Variants in MDGA2 observed in about 807,000 individuals in gnomAD.
MDGA2 encodes MAM domain-containing glycosylphosphatidylinositol anchor protein 2.
Under a neutral mutation model 117.8 loss-of-function variants are expected in MDGA2, and 40 were observed. The ratio of observed to expected loss-of-function variants is 0.34; its 90% CI spans 0.26 to 0.44. The LOEUF (loss-of-function observed/expected upper bound fraction) is 0.44. Ranked by LOEUF, MDGA2 falls within the 20% of genes least tolerant of loss-of-function variation. The pLI is 1.00. For missense variants in MDGA2, 1,123 were observed against 1,250.6 expected, an observed-to-expected ratio of 0.90 and a Z score of 1.54; for synonymous variants, 452 against 439.0, an observed-to-expected ratio of 1.03 and a Z score of -0.37.
chr14:47,572,565 T>C (rs17118942), intron 1 of MDGA2, among the ~76,000 whole-genome samples: 2,196 of 152,260 alleles, frequency 0.014, 48 homozygotes, highest in African/African-American at 0.049. Context: ...ACTCAGGTTT[T>C]TGCAGAGTTG....
intron 8 of MDGA2, among the ~76,000 whole-genome samples, chr14:47,033,207 G>A (rs747190982): frequency 1.3e-5 from 2 of 152,178 alleles, no homozygotes; most frequent in Non-Finnish European, 2.9e-5. Flanking sequence ...GGAAAAAATA[G>A]GAAATTTAGT....
In MDGA2 at chr14:46,981,173, G is replaced by GGT. The variant is rs879377392; in HGVS notation, c.1820-23531_1820-23530insAC. On this transcript the variant is annotated intron_variant, in intron 8 of 16. Coordinates refer to ENST00000399232, the MANE Select transcript of MDGA2 (RefSeq NM_001113498.3). ...AATCCCAGCACTTTGGGAGGCCAAG[G>GGT]GGGGGGCGGATCATGAGGTCAGGAG... is the stretch of plus-strand genomic sequence containing the variant. 6.6e-4 allele frequency among the ~76,000 whole-genome samples: 72 copies of GGT among 108,470 alleles called. 1 individual carries two copies. The highest frequency in any genetic ancestry group is 1.1e-3 in the Non-Finnish European group (53 of 47,800). 71.2% of individuals were successfully genotyped at this position (108,470 alleles called of 152,430 possible).
chr14:47,645,278 T>C (rs116572384), intron 1 of MDGA2, among the ~76,000 whole-genome samples: 6,332 of 152,098 alleles, frequency 0.042, 125 homozygotes, highest in Middle Eastern at 0.068. Context: ...GGAGTCCCGC[T>C]GTCTCCCAAG....
intron 6 of MDGA2, among the ~76,000 whole-genome samples, chr14:47,087,545 T>G: frequency 6.6e-6 from 1 of 151,822 alleles, no homozygotes; most frequent in African/African-American, 2.4e-5. Context: ...CTGCAGTTTC[T>G]TAGTATCACA....
At chr14:47,667,170 G>A (rs570661376) in intron 1 of MDGA2, among the ~76,000 whole-genome samples, 1 of 152,168 alleles carries the variant, frequency 6.6e-6, no homozygotes, top group Admixed American at 6.5e-5. Context: ...TTAGTTGACT[G>A]AATTTATGAG....
chr14:47,596,250 A>T (rs1254986573), intron 1 of MDGA2, among the ~76,000 whole-genome samples: 1 of 152,178 alleles, frequency 6.6e-6, no homozygotes, highest in East Asian at 1.9e-4. Context: ...CAAAACACAT[A>T]CAGTTTTGTT....
intron 1 of MDGA2, among the ~76,000 whole-genome samples, chr14:47,528,842 T>C (rs1474655429): frequency 6.6e-6 from 1 of 152,208 alleles, no homozygotes; most frequent in Non-Finnish European, 1.5e-5. Context: ...ATATATTTTA[T>C]CTTGTAAAAC....
chr14:47,250,242 C>T (rs543632266), intron 2 of MDGA2, among the ~76,000 whole-genome samples: 1 of 152,344 alleles, frequency 6.6e-6, no homozygotes, highest in Non-Finnish European at 1.5e-5. Context: ...CTGGAACTTT[C>T]AGGGAGCAGA....
intron 10 of MDGA2, among the ~76,000 whole-genome samples, chr14:46,893,537 A>G (rs1882962204): frequency 6.6e-6 from 1 of 151,082 alleles, no homozygotes; most frequent in Admixed American, 6.6e-5. Context: ...GACAAACATA[A>G]GAGAACTATA....
intron 3 of MDGA2, among the ~76,000 whole-genome samples, chr14:47,152,178 G>T (rs937755877): frequency 4.6e-5 from 7 of 152,058 alleles, no homozygotes; most frequent in African/African-American, 1.7e-4. Flanking sequence ...AGAATTTGTG[G>T]TATGAAAAAT....
intron 3 of MDGA2, among the ~76,000 whole-genome samples, chr14:47,207,545 G>C (rs1043393995): frequency 1.3e-5 from 2 of 151,862 alleles, no homozygotes; most frequent in Non-Finnish European, 2.9e-5. Context: ...AATGGAATTT[G>C]TTCCCCTTTC....
At chr14:47,044,483 C>T (rs1258906032) in intron 7 of MDGA2, among the ~76,000 whole-genome samples, 1 of 152,106 alleles carries the variant, frequency 6.6e-6, no homozygotes, top group African/African-American at 2.4e-5. Flanking sequence ...TATTCTAAGA[C>T]TTGTATTACT....
At chr14:46,963,066 T>C (rs1885873300) in intron 8 of MDGA2, among the ~76,000 whole-genome samples, 1 of 152,290 alleles carries the variant, frequency 6.6e-6, no homozygotes, top group African/African-American at 2.4e-5. Flanking sequence ...CATTAAGGAA[T>C]ATAGTGAAGC....
chr14:46,951,487 T>C (rs1885368926), intron 9 of MDGA2, among the ~76,000 whole-genome samples: 1 of 151,944 alleles, frequency 6.6e-6, no homozygotes, highest in African/African-American at 2.4e-5. Flanking sequence ...TACATAAGAT[T>C]CCATTTTAGC....
At chr14:46,978,975 T>C (rs1224883942) in intron 8 of MDGA2, among the ~76,000 whole-genome samples, 3 of 152,154 alleles carry the variant, frequency 2.0e-5, no homozygotes, top group Admixed American at 1.3e-4. Flanking sequence ...CTACACTTTA[T>C]TGTGTTTCAC....
chr14:46,974,522 A>T (rs1371720290), intron 8 of MDGA2, among the ~76,000 whole-genome samples: 6 of 152,156 alleles, frequency 3.9e-5, no homozygotes, highest in Non-Finnish European at 8.8e-5. Flanking sequence ...CTGGCATAAA[A>T]ATAGACATAT....
At chr14:47,270,873 C>T (rs1888121488) in intron 2 of MDGA2, among the ~76,000 whole-genome samples, 1 of 152,082 alleles carries the variant, frequency 6.6e-6, no homozygotes, top group Admixed American at 6.6e-5. Context: ...ACTTTCAAAA[C>T]AAAAGAGGCT....
chr14:47,020,468 T>G (rs1241845762), intron 8 of MDGA2, among the ~76,000 whole-genome samples: 3 of 152,190 alleles, frequency 2.0e-5, no homozygotes. Context: ...CCAATCTGAT[T>G]GTTTAAAACA....
chr14:47,081,438 T>C (rs887439849), intron 6 of MDGA2, among the ~76,000 whole-genome samples: 14 of 152,160 alleles, frequency 9.2e-5, no homozygotes, highest in African/African-American at 3.4e-4. Context: ...AACAATATAC[T>C]ACCCACTTAT....
Sources: allele counts gnomAD v4.1 joint callset (sites outside exome capture counted in the v4.1 genomes callset), GRCh38; gene constraint gnomAD v4.1.1; transcripts MANE v1.5; gene names NCBI Gene and HGNC (gene_info 2026-07-23, HGNC 2026-07-21).